ACADSB: variants seen among roughly 807,000 people sequenced by gnomAD.
ACADSB encodes acyl-CoA dehydrogenase short/branched chain, also known as short/branched chain specific acyl-CoA dehydrogenase, mitochondrial.
A neutral mutation model predicts 54.1 loss-of-function variants in ACADSB; 40 were observed. The observed-to-expected ratio is 0.74, with a 90% CI of 0.57 to 0.96. ACADSB has a LOEUF of 0.96. Ranked by LOEUF, ACADSB falls within the 40% of genes least tolerant of loss-of-function variation. The pLI is 0.00. For synonymous variants in ACADSB, 182 were observed against 182.8 expected, an observed-to-expected ratio of 1.00 and a Z score of 0.03; for missense variants, 530 against 510.4, an observed-to-expected ratio of 1.04 and a Z score of -0.37.
Position 123,052,904 on chromosome 10 carries a change from A to C in ACADSB, c.1129-157A>C. On this transcript the variant is annotated intron_variant, in intron 9 of 10. Coordinates refer to ENST00000358776, the MANE Select transcript of ACADSB (RefSeq NM_001609.4). This position sits in a 1 kb window ranked among gnomAD's most constrained non-coding sequence, Gnocchi z 4.2. ...AGGATGTTTTACAGAAATGGTATGG[A>C]GAATGGGACTGAAGAGACAATGCTA... The C allele has an allele frequency of 1.5e-6, 1 of 686,470 alleles. No homozygotes were observed. Among genetic ancestry groups the C allele is most frequent in the Non-Finnish European group, 2.7e-6 (1 of 374,482 alleles). The allele number at this position is 686,470 out of a possible 1,614,324, so 42.5% of individuals were successfully genotyped here. A position where few individuals can be genotyped will look rare whatever the true frequency, so the allele number is the denominator to read the frequency against.
chr10:123,056,629 G>A lies in ACADSB; in HGVS notation c.*2864G>A, dbSNP rs980356279. ...GGAGGAAGGTGGACAACAGAGAAAT[G>A]AGAGTTTTGATATTTTCTGAAAGAG... On this transcript the variant is annotated 3_prime_UTR_variant, in exon 11 of 11. Transcript: ENST00000358776. The A allele has an allele frequency of 6.6e-6, 1 of 152,216 alleles. No individual in the cohort carries two copies. Among genetic ancestry groups the A allele is most frequent in the Non-Finnish European group, 1.5e-5 (1 of 68,058 alleles). The allele number at this position is 152,216 out of a possible 1,614,324, so 9.4% of individuals were successfully genotyped here. A position where few individuals can be genotyped will look rare whatever the true frequency, so the allele number is the denominator to read the frequency against.
chr10:123,019,559 GT>G (rs1850153666), intron 1 of ACADSB, among the ~76,000 whole-genome samples: 1 of 152,214 alleles, frequency 6.6e-6, no homozygotes, highest in Non-Finnish European at 1.5e-5. Context: ...TTTGGTGATA[GT>G]TTTTTATCAG....
chr10:123,055,798 C>T lies in ACADSB; in HGVS notation c.*2033C>T, dbSNP rs1273707386. ...TCAGCAGGGCAGTCAAATTTTAAAC[C>T]TCCAAAATGATCACCTTTGACTCCA... On this transcript the variant is annotated 3_prime_UTR_variant, in exon 11 of 11. Coordinates refer to ENST00000358776, the MANE Select transcript of ACADSB (RefSeq NM_001609.4). The T allele has an allele frequency of 6.6e-6, 1 of 152,142 alleles. No homozygotes were observed. The highest frequency in any genetic ancestry group is 1.5e-5 in the Non-Finnish European group (1 of 68,038). 9.4% of individuals were successfully genotyped at this position (152,142 alleles called of 1,614,324 possible).
At chr10:123,009,630 C>A (rs1238823059) in intron 1 of ACADSB, among the ~76,000 whole-genome samples, 22 of 152,224 alleles carry the variant, frequency 1.4e-4, no homozygotes, top group Admixed American at 1.4e-3. Flanking sequence ...TGCCCCTTAT[C>A]TCATGTCTGG....
intron 1 of ACADSB, among the ~76,000 whole-genome samples, chr10:123,025,466 AAAAT>A (rs74899167): frequency 0.13 from 20,058 of 150,320 alleles, 1,475 homozygotes; most frequent in Middle Eastern, 0.22. Context: ...CCTGTCACGA[AAAAT>A]AAATAAATAA....
At position 123,034,442 on chromosome 10, in the gene ACADSB, T is replaced by A. The variant is rs1487342385; in HGVS notation, c.129T>A (p.Asn43Lys). Residue 43 changes from asparagine (N) to lysine (K), a missense_variant, in exon 2 of 11, where the codon AAT (asparagine) becomes AAA (lysine). Physicochemically the swap from Asn to Lys is moderately conservative, Grantham distance 94 (BLOSUM62 0). Transcript: ENST00000358776. ...SKSSQSEALL[N>K]ITNNGIHFAP... ...CTTCCCAGTCAGAAGCTCTACTCAA[T>A]ATAACAAATAATGGAATACACTTTG... The A allele has an allele frequency of 1.2e-6, 2 of 1,613,308 alleles. No individual in the cohort carries two copies. Among genetic ancestry groups the A allele is most frequent in the Middle Eastern group, 1.6e-4 (1 of 6,062 alleles).
intron 1 of ACADSB, among the ~76,000 whole-genome samples, chr10:123,028,262 G>A (rs1022845342): frequency 1.3e-5 from 2 of 151,342 alleles, no homozygotes; most frequent in African/African-American, 4.9e-5. Context: ...TTTAATTATT[G>A]TAACAATATT....
chr10:123,036,643 G>A (rs778865088), intron 2 of ACADSB, among the ~76,000 whole-genome samples: 7 of 152,268 alleles, frequency 4.6e-5, no homozygotes, highest in South Asian at 2.1e-4. Flanking sequence ...AAAGACAGTC[G>A]AATAAAGGAA....
At position 123,051,114 on chromosome 10, in the gene ACADSB, T is replaced by A; in HGVS notation, c.1056T>A (p.Asn352Lys). 6.3e-7 allele frequency: 1 copy of A among 1,597,078 alleles called. No individual in the cohort carries two copies. The highest frequency in any genetic ancestry group is 1.1e-5 in the South Asian group (1 of 90,666). ...AAGCTGCAAGATTACTAACATACAA[T>A]GCTGCTAGGCTTTTAGAAGCTGGAA... The part of the protein sequence containing the change: ...QLEAARLLTY[N>K]AARLLEAGKP... Residue 352 changes from asparagine to lysine, a missense_variant, in exon 9 of 11, where the codon AAT becomes AAA. Coordinates refer to ENST00000358776, the MANE Select transcript of ACADSB (RefSeq NM_001609.4).
chr10:123,051,290 G>C, intron 9 of ACADSB, 104 bp downstream of exon 9: 1 of 1,320,850 alleles, frequency 7.6e-7, no homozygotes, highest in South Asian at 1.6e-5. Flanking sequence ...ATTGTACTTT[G>C]GTTGTTTTTC....
chr10:123,033,152 C>T (rs1235201602), intron 1 of ACADSB, among the ~76,000 whole-genome samples: 5 of 152,262 alleles, frequency 3.3e-5, no homozygotes, highest in Admixed American at 1.3e-4. Flanking sequence ...AAAAATGTTC[C>T]GTGCAACTTT....
chr10:123,057,815 C>A lies in ACADSB; in HGVS notation c.*4050C>A, dbSNP rs893161828. 6.6e-6 allele frequency: 1 copy of A among 152,182 alleles called. No individual in the cohort carries two copies. Among genetic ancestry groups the A allele is most frequent in the Non-Finnish European group, 1.5e-5 (1 of 68,030 alleles). 9.4% of individuals were successfully genotyped at this position (152,182 alleles called of 1,614,324 possible). ...TTACTTGCCTAAGATCATCCAGGAA[C>A]GAAGACAAGAATCCAAATGTACTTG... On this transcript the variant is annotated 3_prime_UTR_variant, in exon 11 of 11. Transcript: ENST00000358776.
In ACADSB at chr10:123,052,533, C is replaced by G. The variant is rs768087076; in HGVS notation, c.1129-528C>G. Reference sequence around the variant, plus strand: ...TAATCTCTCCATCTCGTGTCCTTACCCACATCTGCAGAGTCCCTATTGCCA... The same window carrying G: ...TAATCTCTCCATCTCGTGTCCTTACGCACATCTGCAGAGTCCCTATTGCCA... On this transcript the variant is annotated intron_variant, in intron 9 of 10. Coordinates refer to ENST00000358776, the MANE Select transcript of ACADSB (RefSeq NM_001609.4). The surrounding 1 kb of genome is among the most constrained non-coding windows in gnomAD (Gnocchi z 4.2). Among the ~76,000 whole-genome samples, 1 of 152,132 alleles carries G rather than the reference C, an allele frequency of 6.6e-6. No homozygotes were observed. Among genetic ancestry groups the G allele is most frequent in the Non-Finnish European group, 1.5e-5 (1 of 68,026 alleles).
intron 3 of ACADSB, among the ~76,000 whole-genome samples, chr10:123,040,066 C>T (rs1010869616): frequency 6.6e-6 from 1 of 151,764 alleles, no homozygotes; most frequent in Non-Finnish European, 1.5e-5. Flanking sequence ...ATTATGGTGG[C>T]TGGGTACAGT....
chr10:123,018,228 A>G (rs1850133985), intron 1 of ACADSB, among the ~76,000 whole-genome samples: 1 of 152,168 alleles, frequency 6.6e-6, no homozygotes, highest in African/African-American at 2.4e-5. Context: ...AATTTCTTTG[A>G]AAATAGAAGT....
At chr10:123,041,966 C>CTT (rs373340179) in intron 5 of ACADSB, among the ~76,000 whole-genome samples, 3,350 of 132,654 alleles carry the variant, frequency 0.025, 306 homozygotes, top group East Asian at 0.23. Flanking sequence ...TTTTTCTTTT[C>CTT]TTTTTTTTTT....
In ACADSB at chr10:123,047,194, T is replaced by C; in HGVS notation, c.901-15T>C. On this transcript the variant is annotated splice_polypyrimidine_tract_variant and intron_variant, in intron 7 of 10. Coordinates refer to ENST00000358776, the MANE Select transcript of ACADSB (RefSeq NM_001609.4). ...CAAAATAAGAAATTCTGATCTTATTTTTTTGTTTTAACAGATGCTGGGACT... is the reference window on the plus strand; with the variant it reads ...CAAAATAAGAAATTCTGATCTTATTCTTTTGTTTTAACAGATGCTGGGACT... 5.1e-6 allele frequency: 8 copies of C among 1,565,836 alleles called. No individual in the cohort carries two copies. The highest frequency in any genetic ancestry group is 7.0e-6 in the Non-Finnish European group (8 of 1,136,288).
At chr10:123,013,686 G>A (rs941646570) in intron 1 of ACADSB, among the ~76,000 whole-genome samples, 12 of 152,224 alleles carry the variant, frequency 7.9e-5, no homozygotes, top group Middle Eastern at 3.2e-3. Flanking sequence ...GAAATCGAGC[G>A]CGGCGCCGGT....
At chr10:123,013,780 G>C (rs938820761) in intron 1 of ACADSB, among the ~76,000 whole-genome samples, 4 of 152,216 alleles carry the variant, frequency 2.6e-5, no homozygotes, top group African/African-American at 9.6e-5. Flanking sequence ...GGGCCGCAGG[G>C]CCTGCCGGCC....
Sources: gnomAD v4.1 joint callset for allele counts (sites outside exome capture counted in the v4.1 genomes callset) on GRCh38, gnomAD v4.1.1 for gene constraint, Gnocchi (gnomAD v3.1) non-coding constraint, MANE v1.5 for transcripts, NCBI Gene and HGNC (gene_info 2026-07-23, HGNC 2026-07-21) for gene names.